The following UNC5D variants were observed in gnomAD, a reference collection of about 807,000 sequenced individuals.
UNC5D encodes netrin receptor UNC5D.
UNC5D carries 39 observed loss-of-function variants against 105.4 expected under a neutral mutation model. The ratio of observed to expected loss-of-function variants is 0.37; its 90% CI spans 0.29 to 0.48. The LOEUF is 0.48. Among genes scored for constraint, UNC5D ranks in the 20% least tolerant of loss-of-function variants. UNC5D has a pLI of 0.98. For synonymous variants in UNC5D, 452 were observed against 450.4 expected, an observed-to-expected ratio of 1.00 and a Z score of -0.04; for missense variants, 991 against 1,202.4, an observed-to-expected ratio of 0.82 and a Z score of 2.60.
intron 1 of UNC5D, among the ~76,000 whole-genome samples, chr8:35,415,653 C>A (rs1368040715): frequency 1.3e-5 from 2 of 152,126 alleles, no homozygotes; most frequent in African/African-American, 4.8e-5. Flanking sequence ...GTCCAGGCAG[C>A]TACTTTGAAT....
chr8:35,592,970 G>GAT lies in UNC5D; in HGVS notation c.467-2583_467-2582dup, dbSNP rs148755082. ...CTTCTACCCAATCTTGCCTATGTGA[G>GAT]ATCTATTAGAAGTTCCTTGAAGTTT... On this transcript the variant is annotated intron_variant, in intron 3 of 16. Transcript: ENST00000404895. Among the ~76,000 whole-genome samples the GAT allele has an allele frequency of 3.3e-3, 506 of 151,910 alleles. 19 individuals are homozygous for GAT. In the East Asian group the frequency reaches 0.082, roughly 25 times the overall value.
In UNC5D at chr8:35,755,887, A is replaced by G. The variant is rs554297909; in HGVS notation, c.2164-3433A>G. On this transcript the variant is annotated intron_variant, in intron 13 of 16. Transcript: ENST00000404895. The stretch of plus-strand genomic sequence containing the variant: ...ACTATCAAGCCTCACTTTGGGGATA[A>G]TTGATCCATATGAGTGATTTAGAAC... Among the ~76,000 whole-genome samples the G allele has an allele frequency of 8.5e-5, 13 of 152,300 alleles. No individual in the cohort carries two copies. The East Asian group carries it at 1.9e-3, about 23-fold the overall frequency.
intron 1 of UNC5D, among the ~76,000 whole-genome samples, chr8:35,323,059 G>A (rs1809868551): frequency 6.6e-6 from 1 of 151,946 alleles, no homozygotes; most frequent in Admixed American, 6.6e-5. Context: ...TCAGAATTGA[G>A]TCAGGCAATA....
At chr8:35,372,985 T>C (rs1160292111) in intron 1 of UNC5D, among the ~76,000 whole-genome samples, 1 of 152,228 alleles carries the variant, frequency 6.6e-6, no homozygotes, top group Non-Finnish European at 1.5e-5. Context: ...CCAAACTCTG[T>C]TGAGTCTTGG....
intron 1 of UNC5D, among the ~76,000 whole-genome samples, chr8:35,333,771 C>T (rs1478947363): frequency 6.6e-6 from 1 of 152,204 alleles, no homozygotes; most frequent in Non-Finnish European, 1.5e-5. Context: ...TGAGCCACTG[C>T]ACCAGGCCAG....
At chr8:35,318,735 T>G (rs940231591) in intron 1 of UNC5D, among the ~76,000 whole-genome samples, 1 of 152,058 alleles carries the variant, frequency 6.6e-6, no homozygotes. Flanking sequence ...CTAAGCACAG[T>G]TAAAACAGCC....
chr8:35,391,463 T>A (rs1803767121), intron 1 of UNC5D, among the ~76,000 whole-genome samples: 1 of 152,234 alleles, frequency 6.6e-6, no homozygotes, highest in South Asian at 2.1e-4. Context: ...TCTATAACTC[T>A]GTTTTTATAT....
At chr8:35,473,460 AC>A (rs1158899814) in intron 1 of UNC5D, among the ~76,000 whole-genome samples, 4 of 152,132 alleles carry the variant, frequency 2.6e-5, no homozygotes, top group African/African-American at 7.2e-5. Flanking sequence ...TCCCTCACAC[AC>A]TTTTTTCTCA....
intron 1 of UNC5D, among the ~76,000 whole-genome samples, chr8:35,416,571 A>G (rs181256050): frequency 4.6e-5 from 7 of 152,324 alleles, no homozygotes; most frequent in African/African-American, 1.7e-4. Flanking sequence ...AATTGGTTAA[A>G]TGTGTAAGAA....
intron 4 of UNC5D, among the ~76,000 whole-genome samples, chr8:35,618,582 A>G (rs980785826): frequency 2.0e-5 from 3 of 152,368 alleles, no homozygotes; most frequent in East Asian, 1.9e-4. Flanking sequence ...ACTGATGATC[A>G]TGGTTAGTTA....
chr8:35,761,036 CT>C (rs1167410354), intron 14 of UNC5D, among the ~76,000 whole-genome samples: 1 of 151,296 alleles, frequency 6.6e-6, no homozygotes, highest in African/African-American at 2.4e-5. Context: ...CCCCTGAACA[CT>C]TTTTTTTTCA....
intron 1 of UNC5D, among the ~76,000 whole-genome samples, chr8:35,468,028 C>T (rs1000830812): frequency 6.6e-6 from 1 of 152,022 alleles, no homozygotes; most frequent in African/African-American, 2.4e-5. Flanking sequence ...CAACTTTTTC[C>T]GTAAGGATAA....
chr8:35,520,656 G>A (rs1813401159), intron 1 of UNC5D, among the ~76,000 whole-genome samples: 4 of 152,060 alleles, frequency 2.6e-5, no homozygotes, highest in African/African-American at 7.2e-5. Flanking sequence ...CAGCTAAACA[G>A]TATGTTGTCT....
At chr8:35,385,928 A>G (rs559414232) in intron 1 of UNC5D, among the ~76,000 whole-genome samples, 80 of 152,278 alleles carry the variant, frequency 5.3e-4, no homozygotes, top group African/African-American at 1.8e-3. Flanking sequence ...ACAAAATTCT[A>G]TTTTGTTGTA....
intron 1 of UNC5D, among the ~76,000 whole-genome samples, chr8:35,438,167 C>T (rs1807151895): frequency 6.6e-6 from 1 of 151,900 alleles, no homozygotes; most frequent in Admixed American, 6.6e-5. Flanking sequence ...TCACAGAAGG[C>T]AATATGATAC....
At chr8:35,254,227 T>C (rs1194157581) in intron 1 of UNC5D, 2 of 152,200 alleles carry the variant, frequency 1.3e-5, no homozygotes, top group South Asian at 2.1e-4. Flanking sequence ...TTAATAGATA[T>C]TTGGTAAATC....
chr8:35,602,239 G>A (rs1819940254), intron 4 of UNC5D, among the ~76,000 whole-genome samples: 1 of 152,182 alleles, frequency 6.6e-6, no homozygotes, highest in Admixed American at 6.5e-5. Context: ...TGTTCATCAA[G>A]GATATTGGTC....
chr8:35,704,188 T>A (rs1353893787), intron 7 of UNC5D, among the ~76,000 whole-genome samples: 1 of 152,168 alleles, frequency 6.6e-6, no homozygotes, highest in Non-Finnish European at 1.5e-5. Flanking sequence ...CTTTCTATTT[T>A]AAAAAAATAG....
intron 4 of UNC5D, among the ~76,000 whole-genome samples, chr8:35,670,975 T>A (rs1824757249): frequency 1.1e-5 from 1 of 94,054 alleles, no homozygotes; most frequent in African/African-American, 2.6e-5. Flanking sequence ...ACTCACCAAG[T>A]GGTTCAAGAT....
Sources: gnomAD v4.1 joint callset for allele counts (sites outside exome capture counted in the v4.1 genomes callset) on GRCh38, gnomAD v4.1.1 for gene constraint, MANE v1.5 for transcripts, NCBI Gene and HGNC (gene_info 2026-07-23, HGNC 2026-07-21) for gene names.